DDX43: variants seen among roughly 807,000 people sequenced by gnomAD.
DDX43 encodes probable ATP-dependent RNA helicase DDX43.
In DDX43, 50 loss-of-function variants were observed where a neutral mutation model predicts 84.9. The observed-to-expected ratio is 0.59, with a 90% CI of 0.47 to 0.75. DDX43 has a LOEUF of 0.75. DDX43 is among the 30% of genes least tolerant of loss of function. DDX43 has a pLI of 0.00. For missense variants in DDX43, 689 were observed against 798.6 expected, an observed-to-expected ratio of 0.86 and a Z score of 1.65; for synonymous variants, 291 against 266.3, an observed-to-expected ratio of 1.09 and a Z score of -0.90.
chr6:73,404,560 G>T, intron 4 of DDX43, 130 bp from the exon 5 acceptor site: 1 of 741,856 alleles, frequency 1.3e-6, no homozygotes, highest in Non-Finnish European at 2.2e-6. Context: ...AGCCTCGTTG[G>T]CAAAGTGTAG....
rs1304445048 is a variant in DDX43 at position 73,414,033 on chromosome 6, T to C, written c.1560T>C (p.Asp520=). The change falls in exon 13 of 17, where the codon GAT becomes GAC. Residue 520 remains aspartate, a synonymous_variant. Coordinates refer to ENST00000370336, the MANE Select transcript of DDX43 (RefSeq NM_018665.3). ...GNISVESLHG[D]REQRDREKAL... ...TATCAGTAGAGTCTCTGCATGGAGA[T>C]AGAGAACAGAGAGATCGGGAGAAAG... 6 of 1,611,698 alleles carry C rather than the reference T, an allele frequency of 3.7e-6. No homozygotes were observed. In the East Asian group the frequency reaches 8.9e-5, roughly 24 times the overall value.
Position 73,407,990 on chromosome 6 carries a change from T to C in DDX43, c.1068T>C (p.Asp356=). ...GTGTATATGGTGGTGGAAATAGAGA[T>C]GAACAAATAGAAGAGCTTAAAAAAG... is the stretch of plus-strand genomic sequence containing the variant. ...SVCVYGGGNR[D]EQIEELKKGV... is the part of the protein sequence containing the mutation. Residue 356 remains aspartate (D), a synonymous_variant, in exon 9 of 17, where the codon GAT becomes GAC. Coordinates refer to ENST00000370336, the MANE Select transcript of DDX43 (RefSeq NM_018665.3). 6.2e-7 allele frequency: 1 copy of C among 1,613,754 alleles called. No homozygotes were observed. The highest frequency in any genetic ancestry group is 8.5e-7 in the Non-Finnish European group (1 of 1,179,718).
At chr6:73,410,845 A>C (rs967457743) in intron 10 of DDX43, among the ~76,000 whole-genome samples, 1 of 152,008 alleles carries the variant, frequency 6.6e-6, no homozygotes, top group African/African-American at 2.4e-5. Flanking sequence ...CCACCCACCT[A>C]AGCCTCCCAA....
chr6:73,404,906 A>T, intron 5 of DDX43, 135 bp downstream of exon 5: 1 of 733,726 alleles, frequency 1.4e-6, no homozygotes, highest in Non-Finnish European at 2.2e-6. Flanking sequence ...AACTTACATG[A>T]TATTTTAGAA....
chr6:73,403,494 A>AAAGAG (rs1769615893), intron 4 of DDX43, among the ~76,000 whole-genome samples: 1 of 152,102 alleles, frequency 6.6e-6, no homozygotes, highest in Admixed American at 6.6e-5. Context: ...AAAGAAAAGA[A>AAAGAG]AAGAAATGTA....
chr6:73,405,739 C>A lies in DDX43; in HGVS notation c.711C>A (p.Pro237=). The change falls in exon 6 of 17, where the codon CCC becomes CCA. Residue 237 remains proline (P), a synonymous_variant. Transcript: ENST00000370336. ...AGGATGGGGAGAAACGACCTATCCC[C>A]AATCCTACCTGCACATTTGATGACG... is the stretch of plus-strand genomic sequence containing the variant. ...DLKDGEKRPI[P]NPTCTFDDAF... The A allele has an allele frequency of 1.2e-6, 2 of 1,614,044 alleles. No individual in the cohort carries two copies. Among genetic ancestry groups the A allele is most frequent in the South Asian group, 2.2e-5 (2 of 91,068 alleles).
chr6:73,407,694 T>C, intron 8 of DDX43, 79 bp downstream of exon 8: 1 of 1,068,538 alleles, frequency 9.4e-7, no homozygotes, highest in Non-Finnish European at 1.4e-6. Flanking sequence ...CCCCATCATT[T>C]TTCACACATT....
At chr6:73,402,760 G>T (rs1206481575) in intron 4 of DDX43, among the ~76,000 whole-genome samples, 1 of 152,018 alleles carries the variant, frequency 6.6e-6, no homozygotes, top group African/African-American at 2.4e-5. Flanking sequence ...TATGTTTTTA[G>T]TAGAGACGGG....
intron 13 of DDX43, among the ~76,000 whole-genome samples, chr6:73,414,287 T>C (rs1268938035): frequency 6.6e-6 from 1 of 152,204 alleles, no homozygotes; most frequent in African/African-American, 2.4e-5. Context: ...TATCAAGGTA[T>C]TAATATGCAA....
rs890901999 is a variant in DDX43, at chr6:73,412,090, T to C, written c.1281-115T>C. On this transcript the variant is annotated intron_variant, in intron 10 of 16. Coordinates refer to ENST00000370336, the MANE Select transcript of DDX43 (RefSeq NM_018665.3). ...TAACTGTTAAATTTGCCTTACTTAT[T>C]GAAAAAATAAGTACTAAATTTGTCT... is the stretch of plus-strand genomic sequence containing the variant. The C allele has an allele frequency of 1.8e-5, 14 of 795,340 alleles. No individual in the cohort carries two copies. The East Asian group carries it at 3.3e-4, about 19-fold the overall frequency. 49.3% of individuals were successfully genotyped at this position (795,340 alleles called of 1,614,324 possible). A position where few individuals can be genotyped will look rare whatever the true frequency, so the allele number is the denominator to read the frequency against.
intron 5 of DDX43, 25 bp downstream of exon 5, chr6:73,404,796 T>C: frequency 6.5e-7 from 1 of 1,543,752 alleles, no homozygotes; most frequent in Non-Finnish European, 8.9e-7. Context: ...TACCTAGTTG[T>C]GTAAGTATTT....
intron 7 of DDX43, 56 bp from the exon 8 acceptor site, chr6:73,407,449 A>G: frequency 8.3e-7 from 1 of 1,201,976 alleles, no homozygotes; most frequent in East Asian, 2.3e-5. Context: ...GTACTGAATA[A>G]ATGTACCGTG....
intron 2 of DDX43, among the ~76,000 whole-genome samples, chr6:73,399,130 A>G (rs1290066374): frequency 6.6e-6 from 1 of 152,082 alleles, no homozygotes; most frequent in Non-Finnish European, 1.5e-5. Flanking sequence ...TACTTTAAGT[A>G]GAGACAGGGT....
At position 73,406,357 on chromosome 6, in the gene DDX43, G is replaced by T. The variant is rs775951801; in HGVS notation, c.808-7G>T. 6.3e-7 allele frequency: 1 copy of T among 1,583,472 alleles called. No homozygotes were observed. Among genetic ancestry groups the T allele is most frequent in the African/African-American group, 1.3e-5 (1 of 74,126 alleles). ...TTTTTGTGTTAATGTTTATCATTCC[G>T]TTTCAGTCACAGGCATGGCCCATTG... On this transcript the variant is annotated splice_region_variant and splice_polypyrimidine_tract_variant and intron_variant, in intron 6 of 16. Transcript: ENST00000370336.
chr6:73,396,657 T>C (rs183802728), intron 1 of DDX43, among the ~76,000 whole-genome samples: 2,382 of 152,324 alleles, frequency 0.016, 56 homozygotes, highest in African/African-American at 0.055. Context: ...ATACTAATAA[T>C]AAGCACAATG....
At chr6:73,395,475 G>C (rs1462112242) in intron 1 of DDX43, among the ~76,000 whole-genome samples, 3 of 151,976 alleles carry the variant, frequency 2.0e-5, no homozygotes, top group Non-Finnish European at 2.9e-5. Flanking sequence ...ATAGCTGGGC[G>C]TGGTGGCGCG....
chr6:73,401,718 C>G, intron 3 of DDX43, 141 bp from the exon 4 acceptor site: 1 of 705,730 alleles, frequency 1.4e-6, no homozygotes, highest in Non-Finnish European at 2.1e-6. Flanking sequence ...AAGAGAATGG[C>G]GGGAACCCGG....
At position 73,401,909 on chromosome 6, in the gene DDX43, G is replaced by A. The variant is rs749679956; in HGVS notation, c.487G>A (p.Val163Ile). Residue 163 changes from valine to isoleucine, a missense_variant, in exon 4 of 17, where the codon GTT becomes ATT. Around this residue, in one of 2 missense-constraint regions of DDX43, gnomAD observed 552 missense variants for 692.7 expected, o/e 0.80. Coordinates refer to ENST00000370336, the MANE Select transcript of DDX43 (RefSeq NM_018665.3). ...VGKDGSTDNNVVAGDRPLIDW... is the reference protein window; with the variant it reads ...VGKDGSTDNNIVAGDRPLIDW... ...AAAAGATGGAAGCACAGATAACAATGTTGTTGCAGGAGATCGGCCATTGAT... is the reference window on the plus strand; with the variant it reads ...AAAAGATGGAAGCACAGATAACAATATTGTTGCAGGAGATCGGCCATTGAT... 6.2e-7 allele frequency: 1 copy of A among 1,613,250 alleles called. No homozygotes were observed. Among genetic ancestry groups the A allele is most frequent in the Non-Finnish European group, 8.5e-7 (1 of 1,179,898 alleles).
chr6:73,405,661 G>GT lies in DDX43; in HGVS notation c.651-12dup. The GT allele has an allele frequency of 6.2e-7, 1 of 1,610,708 alleles. No homozygotes were observed. Among genetic ancestry groups the GT allele is most frequent in the Non-Finnish European group, 8.5e-7 (1 of 1,178,410 alleles). On this transcript the variant is annotated splice_polypyrimidine_tract_variant and intron_variant, in intron 5 of 16. Transcript: ENST00000370336. ...GAGTAAAGTGAGGAAAGCCACTGAT[G>GT]TTTTTTATTCTTTGAAGGAAAGAAA...
Sources: allele counts gnomAD v4.1 joint callset (sites outside exome capture counted in the v4.1 genomes callset), GRCh38; gene constraint gnomAD v4.1.1; regional missense constraint gnomAD v4.1.1; transcripts MANE v1.5; gene names NCBI Gene and HGNC (gene_info 2026-07-23, HGNC 2026-07-21).